Variants in TOX observed in about 807,000 individuals in gnomAD.
TOX encodes thymocyte selection-associated high mobility group box protein TOX.
Under a neutral mutation model 53.7 loss-of-function variants are expected in TOX, and 11 were observed. The observed-to-expected ratio is 0.20, with a 90% CI of 0.13 to 0.34. The LOEUF is 0.34. Among genes scored for constraint, TOX ranks in the 10% least tolerant of loss-of-function variants. The pLI is 1.00. For synonymous variants in TOX, 225 were observed against 245.3 expected (o/e 0.92, Z 0.77); for missense variants, 570 against 664.6 (o/e 0.86, Z 1.56).
intron 1 of TOX, among the ~76,000 whole-genome samples, chr8:58,963,327 A>ATAGATAGATAGATAGATAGATAGATAGG (rs1812835683): frequency 6.6e-6 from 1 of 151,348 alleles, no homozygotes. Context: ...AGATAGATAG[A>ATAGATAGATAGATAGATAGATAGATAGG]TAGATAGATA....
Position 58,858,795 on chromosome 8 carries a change from A to G in TOX, c.412-6990T>C, listed in dbSNP as rs534999882. 6.6e-5 allele frequency among the ~76,000 whole-genome samples: 10 copies of G among 152,300 alleles called. No individual in the cohort carries two copies. In the East Asian group the frequency reaches 9.6e-4, roughly 15 times the overall value. On this transcript the variant is annotated intron_variant, in intron 3 of 8. Coordinates refer to ENST00000361421, the MANE Select transcript of TOX (RefSeq NM_014729.3). ...CACACACCGTTCATAGCACCTTAAG[A>G]AAAACTTCTGAGCCTTGCTCTTGGC...
intron 1 of TOX, among the ~76,000 whole-genome samples, chr8:59,098,560 C>T (rs2129424241): frequency 6.6e-6 from 1 of 152,222 alleles, no homozygotes; most frequent in South Asian, 2.1e-4. Flanking sequence ...TGCACACTCT[C>T]CACTTAAAAT....
At position 59,023,143 on chromosome 8, in the gene TOX, C is replaced by A. The variant is rs569901214; in HGVS notation, c.103-63135G>T. On this transcript the variant is annotated intron_variant, in intron 1 of 8. Transcript: ENST00000361421. ...TTTGAGGACCAATCTCGCTGAGAAA[C>A]TGAAGGTTTATAAGAAGACTTTTGA... 5.9e-4 allele frequency among the ~76,000 whole-genome samples: 90 copies of A among 152,224 alleles called. 1 individual carries two copies. The highest frequency in any genetic ancestry group is 2.1e-3 in the African/African-American group (89 of 41,550).
chr8:58,838,029 G>T, intron 5 of TOX, 52 bp downstream of exon 5: 2 of 1,566,610 alleles, frequency 1.3e-6, no homozygotes, highest in South Asian at 2.3e-5. Context: ...CATTTCTTCA[G>T]ACTGCACAAT....
intron 1 of TOX, among the ~76,000 whole-genome samples, chr8:58,984,193 A>G (rs1813279512): frequency 6.6e-6 from 1 of 152,222 alleles, no homozygotes; most frequent in Admixed American, 6.5e-5. Context: ...AAAACTTTAT[A>G]TGCATTAAAG....
intron 1 of TOX, among the ~76,000 whole-genome samples, chr8:58,965,014 T>A (rs999937423): frequency 2.0e-5 from 3 of 152,208 alleles, no homozygotes; most frequent in Non-Finnish European, 4.4e-5. Flanking sequence ...TCGTATTTAT[T>A]AAATATAACT....
intron 1 of TOX, among the ~76,000 whole-genome samples, chr8:59,014,333 T>A (rs1310339083): frequency 6.6e-6 from 1 of 152,242 alleles, no homozygotes; most frequent in Non-Finnish European, 1.5e-5. Context: ...GGGTTCACAT[T>A]GGACGCCTCC....
At chr8:59,021,040 T>C (rs1311279994) in intron 1 of TOX, among the ~76,000 whole-genome samples, 2 of 147,232 alleles carry the variant, frequency 1.4e-5, no homozygotes, top group South Asian at 2.1e-4. Flanking sequence ...ATTTGGGAGT[T>C]TGAAGCTACA....
At chr8:58,862,372 T>A (rs1451420547) in intron 3 of TOX, among the ~76,000 whole-genome samples, 1 of 152,142 alleles carries the variant, frequency 6.6e-6, no homozygotes, top group East Asian at 1.9e-4. Flanking sequence ...TAGGTATACC[T>A]AATTTAGTTA....
At chr8:59,087,127 T>C (rs937128524) in intron 1 of TOX, among the ~76,000 whole-genome samples, 3 of 152,146 alleles carry the variant, frequency 2.0e-5, no homozygotes, top group Non-Finnish European at 4.4e-5. Context: ...GAAAATGAAA[T>C]ATATATTTTT....
intron 6 of TOX, among the ~76,000 whole-genome samples, chr8:58,822,636 TG>T (rs1810301296): frequency 6.6e-6 from 1 of 152,142 alleles, no homozygotes; most frequent in Non-Finnish European, 1.5e-5. Context: ...CTGTTGGTAG[TG>T]GGGGTAGCAG....
chr8:58,921,519 A>G (rs953832088), intron 3 of TOX, among the ~76,000 whole-genome samples: 3 of 152,268 alleles, frequency 2.0e-5, no homozygotes, highest in African/African-American at 7.2e-5. Flanking sequence ...GTGACTTACC[A>G]GGATCTTTCA....
At chr8:58,932,745 G>T (rs1812277748) in intron 3 of TOX, among the ~76,000 whole-genome samples, 2 of 152,194 alleles carry the variant, frequency 1.3e-5, no homozygotes, top group South Asian at 4.1e-4. Context: ...TTGATGTGCG[G>T]CACTCCCTAT....
chr8:58,862,229 T>C (rs924103221), intron 3 of TOX, among the ~76,000 whole-genome samples: 3 of 152,190 alleles, frequency 2.0e-5, no homozygotes, highest in African/African-American at 7.2e-5. Context: ...TTTCAGCTAT[T>C]TTAAAGTGTC....
intron 1 of TOX, among the ~76,000 whole-genome samples, chr8:58,986,805 C>T (rs1182880124): frequency 1.3e-5 from 2 of 152,154 alleles, no homozygotes; most frequent in Non-Finnish European, 2.9e-5. Flanking sequence ...ATGATACACT[C>T]ACTGGCTGAC....
chr8:58,997,407 C>T (rs1003130440), intron 1 of TOX, among the ~76,000 whole-genome samples: 1 of 152,182 alleles, frequency 6.6e-6, no homozygotes. Context: ...AGGAACTGCA[C>T]ATTTTGGTTC....
intron 3 of TOX, among the ~76,000 whole-genome samples, chr8:58,878,373 G>C (rs1453710946): frequency 6.6e-6 from 1 of 152,096 alleles, no homozygotes; most frequent in African/African-American, 2.4e-5. Flanking sequence ...TTTTTTGCAG[G>C]CCAAAGAAAC....
Position 58,856,222 on chromosome 8 carries a change from G to C in TOX, c.412-4417C>G, listed in dbSNP as rs376298278. The stretch of plus-strand genomic sequence containing the variant: ...GGTCACCTTATCTATAAGGCTCCAA[G>C]AACCTTCTTATTCTGAATTGCCAAA... On this transcript the variant is annotated intron_variant, in intron 3 of 8. Transcript: ENST00000361421. Among the ~76,000 whole-genome samples the C allele has an allele frequency of 3.8e-3, 581 of 152,192 alleles. 3 individuals are homozygous for C. The highest frequency in any genetic ancestry group is 0.013 in the African/African-American group (555 of 41,536).
At position 59,041,496 on chromosome 8, in the gene TOX, A is replaced by ACATT. The variant is rs748526107; in HGVS notation, c.102+77386_102+77389dup. On this transcript the variant is annotated intron_variant, in intron 1 of 8. Coordinates refer to ENST00000361421, the MANE Select transcript of TOX (RefSeq NM_014729.3). ...TACAGCTCCTTTCTGTCCTCACAGC[A>ACATT]CATTCATTCATTCATTCATTCATTC... Among the ~76,000 whole-genome samples, 58 of 152,222 alleles carry ACATT rather than the reference A, an allele frequency of 3.8e-4. 1 individual carries two copies. Among genetic ancestry groups the ACATT allele is most frequent in the South Asian group, 8.3e-4 (4 of 4,830 alleles).
Sources: gnomAD v4.1 joint callset for allele counts (sites outside exome capture counted in the v4.1 genomes callset) on GRCh38, gnomAD v4.1.1 for gene constraint, MANE v1.5 for transcripts, NCBI Gene and HGNC (gene_info 2026-07-23, HGNC 2026-07-21) for gene names.